The following GPR139 variants were observed in gnomAD, a reference collection of about 807,000 sequenced individuals.
GPR139 encodes the protein G protein-coupled receptor 139, also known as probable G protein-coupled receptor 139.
GPR139 carries 12 observed loss-of-function variants against 25.8 expected under a neutral mutation model. The ratio of observed to expected loss-of-function variants is 0.47; its 90% CI spans 0.30 to 0.75. The LOEUF is 0.75. Among genes scored for constraint, GPR139 ranks in the 30% least tolerant of loss-of-function variants. GPR139 has a pLI of 0.07. For synonymous variants in GPR139, 184 were observed against 179.9 expected (o/e 1.02, Z -0.18); for missense variants, 380 against 450.2 (o/e 0.84, Z 1.41).
chr16:20,032,189 T>C lies in GPR139; in HGVS notation c.608A>G (p.Asn203Ser), dbSNP rs767897247. 17 of 1,613,684 alleles carry C rather than the reference T, an allele frequency of 1.1e-5. No homozygotes were observed. The highest frequency in any genetic ancestry group is 1.2e-5 in the Non-Finnish European group (14 of 1,179,944). ...LVPCSIFFIL[N>S]SIIVYKLRRK... is the part of the protein sequence containing the mutation. ...CCTGAGCTTGTACACAATGATTGAG[T>C]TCAAGATGAAGAAGATGGAGCAGGG... Residue 203 changes from asparagine (N) to serine (S), a missense_variant, in exon 2 of 2, where the codon AAC (asparagine) becomes AGC (serine). Physicochemically the swap from Asn to Ser is conservative, Grantham distance 46 (BLOSUM62 1). Coordinates refer to ENST00000570682, the MANE Select transcript of GPR139 (RefSeq NM_001002911.4).
intron 1 of GPR139, among the ~76,000 whole-genome samples, chr16:20,035,701 G>T (rs1016999461): frequency 2.6e-5 from 4 of 152,164 alleles, no homozygotes; most frequent in Admixed American, 2.6e-4. Flanking sequence ...ACCAGGAAGA[G>T]GTTAAAAGGC....
chr16:20,057,619 T>C (rs894325244), intron 1 of GPR139, among the ~76,000 whole-genome samples: 4 of 151,180 alleles, frequency 2.6e-5, no homozygotes, highest in Middle Eastern at 3.4e-3. Context: ...CATCCACTTA[T>C]AAATCCACCC....
At chr16:20,067,869 A>G (rs1316950764) in intron 1 of GPR139, among the ~76,000 whole-genome samples, 1 of 152,034 alleles carries the variant, frequency 6.6e-6, no homozygotes, top group Non-Finnish European at 1.5e-5. Flanking sequence ...GTCAACCAAG[A>G]AACTATGATT....
chr16:20,038,964 C>T (rs530122500), intron 1 of GPR139, among the ~76,000 whole-genome samples: 1 of 152,190 alleles, frequency 6.6e-6, no homozygotes, highest in Non-Finnish European at 1.5e-5. Context: ...GCTTTCCTGT[C>T]AAACTGATCC....
chr16:20,073,456 C>T lies in GPR139; in HGVS notation c.127+34G>A. 6.2e-7 allele frequency: 1 copy of T among 1,602,060 alleles called. No individual in the cohort carries two copies. The highest frequency in any genetic ancestry group is 1.1e-5 in the South Asian group (1 of 88,630). ...GTAGGGTTGCCCGGCACTTGGGGTT[C>T]CTGGCTTCCCTCCCTCTCCCCCACG... On this transcript the variant is annotated intron_variant, in intron 1 of 1. Transcript: ENST00000570682. The surrounding 1 kb of genome is among the most constrained non-coding windows in gnomAD (Gnocchi z 4.7).
intron 1 of GPR139, among the ~76,000 whole-genome samples, chr16:20,053,658 A>G (rs1260739997): frequency 6.6e-6 from 1 of 152,218 alleles, no homozygotes; most frequent in African/African-American, 2.4e-5. Flanking sequence ...GTGGTTTTGC[A>G]GAGTGGATAA....
intron 1 of GPR139, among the ~76,000 whole-genome samples, chr16:20,033,191 C>A (rs1329721163): frequency 6.7e-6 from 1 of 149,522 alleles, no homozygotes; most frequent in East Asian, 2.0e-4. Flanking sequence ...CCTCACACAA[C>A]CATGAGAGGT....
In GPR139 at chr16:20,073,699, G is replaced by C. The variant is rs2057469584; in HGVS notation, c.-83C>G. The stretch of plus-strand genomic sequence containing the variant: ...TCGCCGGCTCGGTGGTGGCGGCGGC[G>C]GAGGCAGCGGCAGCTGGAGCAGCAG... On this transcript the variant is annotated 5_prime_UTR_variant, in exon 1 of 2. Coordinates refer to ENST00000570682, the MANE Select transcript of GPR139 (RefSeq NM_001002911.4). The surrounding 1 kb of genome is among the most constrained non-coding windows in gnomAD (Gnocchi z 4.7). 1.4e-6 allele frequency: 2 copies of C among 1,456,024 alleles called. No individual in the cohort carries two copies. The highest frequency in any genetic ancestry group is 2.5e-5 in the East Asian group (1 of 39,862). The allele number at this position is 1,456,024 out of a possible 1,614,324, so 90.2% of individuals were successfully genotyped here.
Position 20,030,149 on chromosome 16 carries a change from G to A in GPR139, c.*1586C>T, listed in dbSNP as rs1018359874. Among the ~76,000 whole-genome samples, 1 of 152,182 alleles carries A rather than the reference G, an allele frequency of 6.6e-6. No homozygotes were observed. Among genetic ancestry groups the A allele is most frequent in the Non-Finnish European group, 1.5e-5 (1 of 68,034 alleles). On this transcript the variant is annotated 3_prime_UTR_variant, in exon 2 of 2. Coordinates refer to ENST00000570682, the MANE Select transcript of GPR139 (RefSeq NM_001002911.4). ...TGAAGTTTAGGGTTTGTGTTGCCATGGGGCCTTTTCTTATCCCATTCATTT... is the reference window on the plus strand; with the variant it reads ...TGAAGTTTAGGGTTTGTGTTGCCATAGGGCCTTTTCTTATCCCATTCATTT...
rs1244518828 is a variant in GPR139 at position 20,032,244 on chromosome 16, A to T, written c.553T>A (p.Trp185Arg). ...AGGTAGACGGTGAAGCAGTGGATCC[A>T]GATGAGGACGTGATGCACAGAGGTG... Reference protein sequence around the residue: ...ISTSVHHVLIWIHCFTVYLVP... With the variant: ...ISTSVHHVLIRIHCFTVYLVP... The change falls in exon 2 of 2, where the codon TGG becomes AGG. Residue 185 changes from tryptophan (W) to arginine (R), a missense_variant. Transcript: ENST00000570682. 1 of 1,614,104 alleles carries T rather than the reference A, an allele frequency of 6.2e-7. No individual in the cohort carries two copies. Among genetic ancestry groups the T allele is most frequent in the Non-Finnish European group, 8.5e-7 (1 of 1,180,042 alleles).
intron 1 of GPR139, among the ~76,000 whole-genome samples, chr16:20,069,721 C>G (rs1408966116): frequency 6.6e-6 from 1 of 152,080 alleles, no homozygotes; most frequent in African/African-American, 2.4e-5. Flanking sequence ...TTTAAAATCT[C>G]TCAAATCTCA....
intron 1 of GPR139, among the ~76,000 whole-genome samples, chr16:20,061,106 C>CA (rs1233862669): frequency 6.6e-6 from 1 of 151,558 alleles, no homozygotes; most frequent in Non-Finnish European, 1.5e-5. Context: ...GCCACAAGGG[C>CA]AAAAAAATGG....
intron 1 of GPR139, among the ~76,000 whole-genome samples, chr16:20,051,781 C>T (rs1227555272): frequency 6.6e-6 from 1 of 152,194 alleles, no homozygotes; most frequent in African/African-American, 2.4e-5. Flanking sequence ...TTTGCTTCCT[C>T]ATGACTCTGG....
intron 1 of GPR139, among the ~76,000 whole-genome samples, chr16:20,050,841 A>AGCTTGAG (rs1414678630): frequency 6.6e-6 from 1 of 152,070 alleles, no homozygotes; most frequent in Non-Finnish European, 1.5e-5. Context: ...GTGGGCAGAT[A>AGCTTGAG]GCTTGAGTCC....
intron 1 of GPR139, among the ~76,000 whole-genome samples, chr16:20,036,160 T>G (rs148872981): frequency 3.9e-5 from 6 of 152,322 alleles, no homozygotes; most frequent in Admixed American, 3.9e-4. Context: ...TGAAGGGCCC[T>G]GATTAAAGGC....
intron 1 of GPR139, 142 bp from the exon 2 acceptor site, chr16:20,032,811 C>T: frequency 1.6e-6 from 1 of 615,144 alleles, no homozygotes; most frequent in Non-Finnish European, 2.9e-6. Flanking sequence ...ACAACCTCAG[C>T]ATTACAAATA....
Position 20,031,853 on chromosome 16 carries a change from G to C in GPR139, c.944C>G (p.Thr315Ser). The change falls in exon 2 of 2, where the codon ACC becomes AGC. Residue 315 changes from threonine to serine, a missense_variant. Coordinates refer to ENST00000570682, the MANE Select transcript of GPR139 (RefSeq NM_001002911.4). The part of the protein sequence containing the change: ...KCQKQPVQFY[T>S]NHNFSITSSP... ...ACTTGTTATGGAAAAGTTATGATTG[G>C]TGTAGAACTGTACAGGTTGCTTCTG... 1 of 1,614,250 alleles carries C rather than the reference G, an allele frequency of 6.2e-7. No individual in the cohort carries two copies. The highest frequency in any genetic ancestry group is 8.5e-7 in the Non-Finnish European group (1 of 1,180,040).
intron 1 of GPR139, 71 bp from the exon 2 acceptor site, chr16:20,032,740 G>A (rs2057295651): frequency 1.8e-6 from 2 of 1,133,186 alleles, no homozygotes; most frequent in South Asian, 1.6e-5. Flanking sequence ...GGGGGCCCTA[G>A]GCATATGTTT....
At chr16:20,062,904 TC>T (rs1455648826) in intron 1 of GPR139, among the ~76,000 whole-genome samples, 6 of 152,226 alleles carry the variant, frequency 3.9e-5, no homozygotes, top group Admixed American at 2.0e-4. Context: ...ATTTCATGCT[TC>T]CAGCACACAT....
Sources: allele counts gnomAD v4.1 joint callset (sites outside exome capture counted in the v4.1 genomes callset), GRCh38; gene constraint gnomAD v4.1.1; non-coding constraint Gnocchi (gnomAD v3.1); transcripts MANE v1.5; gene names NCBI Gene and HGNC (gene_info 2026-07-23, HGNC 2026-07-21).